The following DYM variants were observed in gnomAD, a reference collection of about 807,000 sequenced individuals.
The protein encoded by DYM is dymeclin.
Under a neutral mutation model 93.1 loss-of-function variants are expected in DYM, and 78 were observed. The ratio of observed to expected loss-of-function variants is 0.84; its 90% CI spans 0.70 to 1.01. DYM has a LOEUF of 1.01. Among genes scored for constraint, DYM ranks in the 50% least tolerant of loss-of-function variants. The pLI is 0.00. For synonymous variants in DYM, 321 were observed against 319.7 expected, an observed-to-expected ratio of 1.00 and a Z score of -0.04; for missense variants, 789 against 845.0, an observed-to-expected ratio of 0.93 and a Z score of 0.82.
At chr18:49,258,040 A>G (rs150551536) in intron 12 of DYM, among the ~76,000 whole-genome samples, 2 of 152,086 alleles carry the variant, frequency 1.3e-5, no homozygotes, top group East Asian at 3.9e-4. Flanking sequence ...ATTTTAATTC[A>G]TATTTTCTTG....
chr18:49,170,353 A>T (rs2088511524), intron 14 of DYM, among the ~76,000 whole-genome samples: 2 of 152,198 alleles, frequency 1.3e-5, no homozygotes, highest in South Asian at 4.1e-4. Context: ...AGATGGTCAG[A>T]AAGAAGCAGA....
chr18:49,435,825 A>G (rs535196962), intron 1 of DYM, among the ~76,000 whole-genome samples: 1 of 152,062 alleles, frequency 6.6e-6, no homozygotes, highest in Admixed American at 6.6e-5. Context: ...AAAAGAATCT[A>G]CATGTCCCAG....
intron 13 of DYM, among the ~76,000 whole-genome samples, chr18:49,213,436 C>T (rs753471407): frequency 2.6e-5 from 4 of 152,034 alleles, no homozygotes; most frequent in Non-Finnish European, 5.9e-5. Flanking sequence ...CTGTCTCAGC[C>T]TCCTGAATAG....
chr18:49,328,934 T>C (rs1450705153), intron 8 of DYM, among the ~76,000 whole-genome samples: 2 of 152,192 alleles, frequency 1.3e-5, no homozygotes, highest in African/African-American at 4.8e-5. Context: ...CATTACTGGA[T>C]ATATACCCAA....
At chr18:49,457,135 A>T (rs1182709423) in intron 1 of DYM, among the ~76,000 whole-genome samples, 2 of 152,190 alleles carry the variant, frequency 1.3e-5, no homozygotes, top group African/African-American at 4.8e-5. Context: ...AGAACCTGAG[A>T]AGAGGCTGCT....
chr18:49,279,028 C>A lies in DYM; in HGVS notation c.1125+2969G>T, dbSNP rs115272518. On this transcript the variant is annotated intron_variant, in intron 10 of 17. Transcript: ENST00000675505. ...TTCTAAAAAGTATGCCCTCTTATGCCCTGTTCTTAATATTTAGGCACTTGG... is the reference window on the plus strand; with the variant it reads ...TTCTAAAAAGTATGCCCTCTTATGCACTGTTCTTAATATTTAGGCACTTGG... Among the ~76,000 whole-genome samples the A allele has an allele frequency of 3.5e-3, 525 of 152,086 alleles. 4 individuals carry two copies. The highest frequency in any genetic ancestry group is 0.012 in the African/African-American group (487 of 41,450).
At chr18:49,256,799 A>G (rs1471410040) in intron 13 of DYM, among the ~76,000 whole-genome samples, 2 of 152,250 alleles carry the variant, frequency 1.3e-5, no homozygotes, top group Non-Finnish European at 2.9e-5. Flanking sequence ...TTATAAAAAG[A>G]TTGAATGTAA....
intron 14 of DYM, among the ~76,000 whole-genome samples, chr18:49,189,249 C>T (rs1352101275): frequency 6.6e-6 from 1 of 152,142 alleles, no homozygotes; most frequent in Non-Finnish European, 1.5e-5. Context: ...AAGTCCAAAC[C>T]TCAGCATCAT....
intron 14 of DYM, among the ~76,000 whole-genome samples, chr18:49,180,727 T>C (rs976579604): frequency 2.0e-5 from 3 of 152,152 alleles, no homozygotes; most frequent in African/African-American, 7.2e-5. Flanking sequence ...AAACACCCAC[T>C]CCTCCATTTA....
chr18:49,292,832 T>C (rs1318733462), intron 8 of DYM, among the ~76,000 whole-genome samples: 1 of 151,324 alleles, frequency 6.6e-6, no homozygotes, highest in African/African-American at 2.4e-5. Context: ...TTTTTTGTCT[T>C]ATTATTATTA....
intron 8 of DYM, among the ~76,000 whole-genome samples, chr18:49,316,758 A>G (rs2061969503): frequency 6.7e-6 from 1 of 149,684 alleles, no homozygotes; most frequent in Admixed American, 6.7e-5. Context: ...TCTTTTTACT[A>G]TCTCTCTTTT....
chr18:49,294,207 T>G (rs2060370598), intron 8 of DYM, among the ~76,000 whole-genome samples: 1 of 152,210 alleles, frequency 6.6e-6, no homozygotes, highest in Non-Finnish European at 1.5e-5. Flanking sequence ...CATGCTGTTT[T>G]GGTTACTGTA....
At chr18:49,371,863 C>A (rs1185530258) in intron 5 of DYM, among the ~76,000 whole-genome samples, 1 of 152,164 alleles carries the variant, frequency 6.6e-6, no homozygotes, top group East Asian at 1.9e-4. Context: ...TGTTCAAATA[C>A]AAAATCCTCA....
intron 8 of DYM, among the ~76,000 whole-genome samples, chr18:49,318,524 A>G (rs1011801711): frequency 2.6e-5 from 4 of 152,054 alleles, no homozygotes; most frequent in African/African-American, 9.7e-5. Context: ...TGGGAGGCTG[A>G]GGCAGGAGAA....
At chr18:49,222,971 T>G (rs954535395) in intron 13 of DYM, among the ~76,000 whole-genome samples, 1 of 152,170 alleles carries the variant, frequency 6.6e-6, no homozygotes. Context: ...CAATCAATCT[T>G]AGTATCTCCA....
At chr18:49,077,515 T>C (rs1338729973) in intron 17 of DYM, among the ~76,000 whole-genome samples, 2 of 152,228 alleles carry the variant, frequency 1.3e-5, no homozygotes, top group Non-Finnish European at 2.9e-5. Context: ...AGGTAGTTGA[T>C]AGTCTTTTTC....
chr18:49,319,924 T>G (rs1479446519), intron 8 of DYM, among the ~76,000 whole-genome samples: 6 of 152,178 alleles, frequency 3.9e-5, no homozygotes, highest in Admixed American at 2.6e-4. Flanking sequence ...TCTCCACCAC[T>G]TGTCCAATTG....
chr18:49,322,010 A>C (rs2062520138), intron 8 of DYM, among the ~76,000 whole-genome samples: 3 of 152,106 alleles, frequency 2.0e-5, no homozygotes, highest in Admixed American at 6.5e-5. Flanking sequence ...AATAACAATC[A>C]AGTAAAATAC....
At chr18:49,252,242 A>AAAAAAAAAAAAAC (rs71165373) in intron 13 of DYM, among the ~76,000 whole-genome samples, 1 of 148,730 alleles carries the variant, frequency 6.7e-6, no homozygotes, top group Non-Finnish European at 1.5e-5. Flanking sequence ...AAAAAAAAAA[A>AAAAAAAAAAAAAC]GAACTGCCTG....
Sources: allele counts gnomAD v4.1 joint callset (sites outside exome capture counted in the v4.1 genomes callset), GRCh38; gene constraint gnomAD v4.1.1; transcripts MANE v1.5; gene names NCBI Gene and HGNC (gene_info 2026-07-23, HGNC 2026-07-21).